The following DCHS2 variants were observed in gnomAD, a reference collection of about 807,000 sequenced individuals.
The protein encoded by DCHS2 is protocadherin-23.
Under a neutral mutation model 182.4 loss-of-function variants are expected in DCHS2, and 142 were observed. The ratio of observed to expected loss-of-function variants is 0.78; its 90% CI spans 0.68 to 0.89. The LOEUF is 0.89. DCHS2 is among the 40% of genes least tolerant of loss of function. The pLI is 0.00. For synonymous variants in DCHS2, 1,740 were observed against 1,663.3 expected (o/e 1.05, Z -1.12); for missense variants, 4,319 against 4,198.6 (o/e 1.03, Z -0.79).
At chr4:154,484,341 T>C (rs1398155355) in intron 1 of DCHS2, among the ~76,000 whole-genome samples, 1 of 152,066 alleles carries the variant, frequency 6.6e-6, no homozygotes, top group African/African-American at 2.4e-5. Context: ...AAGATGACTC[T>C]TCCTAAAACG....
chr4:154,438,115 G>T (rs1392784366), intron 1 of DCHS2, among the ~76,000 whole-genome samples: 1 of 152,192 alleles, frequency 6.6e-6, no homozygotes, highest in African/African-American at 2.4e-5. Context: ...AGAGTAACAA[G>T]ACATTTGCCC....
chr4:154,491,381 T>G lies in DCHS2; in HGVS notation c.-26A>C, dbSNP rs1728832682. The G allele has an allele frequency of 6.8e-7, 1 of 1,480,902 alleles. No individual in the cohort carries two copies. Among genetic ancestry groups the G allele is most frequent in the African/African-American group, 1.4e-5 (1 of 70,952 alleles). The allele number at this position is 1,480,902 out of a possible 1,614,324, so 91.7% of individuals were successfully genotyped here. ...TTCTCCTCCAGCTCCTTGGGAAGGC[T>G]CTCGGGTAACTGCCAGCTTGTGGCA... On this transcript the variant is annotated 5_prime_UTR_variant, in exon 1 of 20. Coordinates refer to ENST00000357232, the MANE Select transcript of DCHS2 (RefSeq NM_001358235.2).
intron 2 of DCHS2, among the ~76,000 whole-genome samples, chr4:154,375,837 C>T (rs1005721686): frequency 2.6e-5 from 4 of 152,028 alleles, no homozygotes; most frequent in East Asian, 1.9e-4. Context: ...ATGGATACCA[C>T]CAACTATAGA....
chr4:154,234,975 T>C lies in DCHS2; in HGVS notation c.9677A>G (p.His3226Arg). 1 of 1,614,088 alleles carries C rather than the reference T, an allele frequency of 6.2e-7. No homozygotes were observed. Among genetic ancestry groups the C allele is most frequent in the Non-Finnish European group, 8.5e-7 (1 of 1,179,970 alleles). The change falls in exon 20 of 20, where the codon CAT (histidine) becomes CGT (arginine). Residue 3226 changes from histidine to arginine, a missense_variant. His to Arg is a conservative substitution (Grantham distance 29). Coordinates refer to ENST00000357232, the MANE Select transcript of DCHS2 (RefSeq NM_001358235.2). ...AALSTQTTSD[H>R]DGKDNYHWNY... Reference sequence around the variant, plus strand: ...CCAGTGATAGTTGTCTTTTCCATCATGATCAGAGGTCGTCTGAGTTGAAAG... The same window carrying C: ...CCAGTGATAGTTGTCTTTTCCATCACGATCAGAGGTCGTCTGAGTTGAAAG...
intron 13 of DCHS2, among the ~76,000 whole-genome samples, chr4:154,296,457 G>A (rs767888773): frequency 2.0e-5 from 3 of 152,118 alleles, no homozygotes; most frequent in African/African-American, 4.8e-5. Flanking sequence ...CTCTTCCTAC[G>A]ATTAAGTGAA....
chr4:154,256,977 C>A (rs918955371), intron 15 of DCHS2, among the ~76,000 whole-genome samples: 1 of 152,118 alleles, frequency 6.6e-6, no homozygotes, highest in African/African-American at 2.4e-5. Context: ...CCCTTGGAGC[C>A]ATACATTTAA....
At chr4:154,304,961 C>A in intron 11 of DCHS2, 83 bp from the exon 12 acceptor site, 1 of 1,514,930 alleles carries the variant, frequency 6.6e-7, no homozygotes, top group Admixed American at 2.4e-5. Flanking sequence ...CAATGTCAGG[C>A]TAACCAGGTA....
At chr4:154,248,198 CATATA>C (rs887771786) in intron 16 of DCHS2, among the ~76,000 whole-genome samples, 11 of 152,124 alleles carry the variant, frequency 7.2e-5, no homozygotes, top group East Asian at 5.8e-4. Context: ...AGGAAAAAAA[CATATA>C]ATATGATTTG....
At chr4:154,338,496 G>A (rs1176926406) in intron 3 of DCHS2, among the ~76,000 whole-genome samples, 1 of 152,122 alleles carries the variant, frequency 6.6e-6, no homozygotes, top group African/African-American at 2.4e-5. Flanking sequence ...AAATATTTAA[G>A]TGATAATACC....
chr4:154,272,968 C>T (rs1321017185), intron 13 of DCHS2, among the ~76,000 whole-genome samples: 1 of 152,056 alleles, frequency 6.6e-6, no homozygotes, highest in African/African-American at 2.4e-5. Flanking sequence ...TCAGAAACTT[C>T]CTCATAGTTC....
At chr4:154,269,874 G>A (rs746111787) in intron 14 of DCHS2, 26 bp downstream of exon 14, 1 of 1,593,468 alleles carries the variant, frequency 6.3e-7, no homozygotes. Context: ...AGAAAATAAA[G>A]CTAGTATAGG....
chr4:154,483,230 A>G (rs1263353089), intron 1 of DCHS2, among the ~76,000 whole-genome samples: 1 of 152,156 alleles, frequency 6.6e-6, no homozygotes, highest in African/African-American at 2.4e-5. Flanking sequence ...GAACTAAAGC[A>G]AGGAGGGGGG....
chr4:154,325,321 G>A (rs1254901526), intron 7 of DCHS2, among the ~76,000 whole-genome samples: 3,589 of 74,976 alleles, frequency 0.048, 84 homozygotes, highest in African/African-American at 0.079. Flanking sequence ...ATAGCCGTGT[G>A]TGTGTGTGTG....
intron 2 of DCHS2, among the ~76,000 whole-genome samples, chr4:154,374,650 A>C (rs1197606451): frequency 6.6e-6 from 1 of 152,164 alleles, no homozygotes; most frequent in Non-Finnish European, 1.5e-5. Context: ...TCATTTTTAC[A>C]TGTTTACTTG....
At chr4:154,304,446 A>C (rs939370583) in intron 12 of DCHS2, among the ~76,000 whole-genome samples, 1 of 152,136 alleles carries the variant, frequency 6.6e-6, no homozygotes, top group African/African-American at 2.4e-5. Context: ...GGTATCAAAC[A>C]CAGAGTAATC....
chr4:154,256,203 T>C (rs1487439652), intron 15 of DCHS2, among the ~76,000 whole-genome samples: 2 of 152,184 alleles, frequency 1.3e-5, no homozygotes, highest in African/African-American at 2.4e-5. Flanking sequence ...TGGAGTGCAG[T>C]GATGTGATTC....
Position 154,236,282 on chromosome 4 carries a change from A to AGAGCATATG in DCHS2, c.8361_8369dup (p.Cys2789_Ile2791dup). On this transcript the variant is annotated inframe_insertion, in exon 20 of 20. Transcript: ENST00000357232. ...CAGCATCAAAATCCAGAGCATTTAT[A>AGAGCATATG]GAGCATATGGTAGAGGAAATAGGCA... is the stretch of plus-strand genomic sequence containing the variant. The AGAGCATATG allele has an allele frequency of 6.2e-7, 1 of 1,614,066 alleles. No individual in the cohort carries two copies. Among genetic ancestry groups the AGAGCATATG allele is most frequent in the Non-Finnish European group, 8.5e-7 (1 of 1,179,966 alleles).
chr4:154,379,831 A>G (rs982087557), intron 1 of DCHS2, among the ~76,000 whole-genome samples: 1 of 152,148 alleles, frequency 6.6e-6, no homozygotes, highest in East Asian at 1.9e-4. Context: ...ATCCTGTTCC[A>G]TCTTGAGCAT....
chr4:154,318,205 T>C (rs1000677735), intron 9 of DCHS2, among the ~76,000 whole-genome samples: 2 of 151,412 alleles, frequency 1.3e-5, no homozygotes, highest in Non-Finnish European at 2.9e-5. Flanking sequence ...CTATTTTATA[T>C]ATATATGCAT....
Sources: allele counts gnomAD v4.1 joint callset (sites outside exome capture counted in the v4.1 genomes callset), GRCh38; gene constraint gnomAD v4.1.1; transcripts MANE v1.5; gene names NCBI Gene and HGNC (gene_info 2026-07-23, HGNC 2026-07-21).